PHF24: variants seen among roughly 807,000 people sequenced by gnomAD.
PHF24 encodes the protein PHD finger protein 24, also known as Galpha inhibitory interacting protein.
PHF24 carries 25 observed loss-of-function variants against 42.6 expected under a neutral mutation model. The observed-to-expected ratio is 0.59, with a 90% CI of 0.43 to 0.82. PHF24 has a LOEUF of 0.82. Ranked by LOEUF, PHF24 falls within the 40% of genes least tolerant of loss-of-function variation. PHF24 has a pLI of 0.00. For synonymous variants in PHF24, 185 were observed against 204.8 expected (o/e 0.90, Z 0.83); for missense variants, 470 against 538.1 (o/e 0.87, Z 1.25).
At chr9:34,721,264 C>G in the PHF24 span, among the ~76,000 whole-genome samples, 1 of 152,338 alleles carries the variant, frequency 6.6e-6, no homozygotes, top group East Asian at 1.9e-4. Flanking sequence ...CCATTAACAT[C>G]CACCATGCTA....
the PHF24 span, among the ~76,000 whole-genome samples, chr9:34,685,840 T>A: frequency 6.6e-6 from 1 of 152,230 alleles, no homozygotes; most frequent in Non-Finnish European, 1.5e-5. Flanking sequence ...CTGGCCTTGC[T>A]GTACTGTTCT....
chr9:34,930,186 C>T, the PHF24 span, among the ~76,000 whole-genome samples: 1 of 152,148 alleles, frequency 6.6e-6, no homozygotes, highest in Non-Finnish European at 1.5e-5. Context: ...GGAGGAGCCA[C>T]TGGTTTGTGC....
the PHF24 span, chr9:34,838,315 T>C: frequency 4.1e-6 from 3 of 734,834 alleles, no homozygotes; most frequent in Admixed American, 6.0e-5. Context: ...ATCTGAGGCT[T>C]AATTAGTTCA....
the PHF24 span, among the ~76,000 whole-genome samples, chr9:34,869,272 T>TAATG: frequency 2.0e-5 from 3 of 152,224 alleles, no homozygotes; most frequent in Non-Finnish European, 4.4e-5. Context: ...ATGTACCCAG[T>TAATG]AATGGGATTG....
At chr9:34,812,265 A>C in the PHF24 span, among the ~76,000 whole-genome samples, 21 of 152,326 alleles carry the variant, frequency 1.4e-4, no homozygotes, top group Middle Eastern at 6.8e-3. Context: ...CATACCCAGT[A>C]GGATGGCTAT....
chr9:34,764,969 T>C, the PHF24 span, among the ~76,000 whole-genome samples: 2 of 152,138 alleles, frequency 1.3e-5, no homozygotes, highest in African/African-American at 4.8e-5. Flanking sequence ...CCAGTAGTCA[T>C]TCAGGAGCAG....
chr9:34,739,511 C>A, the PHF24 span, among the ~76,000 whole-genome samples: 1 of 152,178 alleles, frequency 6.6e-6, no homozygotes, highest in African/African-American at 2.4e-5. Context: ...TCACTGACTT[C>A]AAGAATGAAG....
intron 1 of PHF24, among the ~76,000 whole-genome samples, chr9:34,964,690 A>G (rs993603694): frequency 6.6e-6 from 1 of 152,202 alleles, no homozygotes; most frequent in African/African-American, 2.4e-5. Flanking sequence ...CAAACATTAC[A>G]AGCTGCCCAC....
At chr9:34,728,709 GTCCA>G in the PHF24 span, 1 of 1,485,764 alleles carries the variant, frequency 6.7e-7, no homozygotes, top group Non-Finnish European at 9.2e-7. Flanking sequence ...TCTTTCTCAT[GTCCA>G]AAATGAGACA....
At chr9:34,975,463 G>A (rs761530475) in intron 3 of PHF24, among the ~76,000 whole-genome samples, 5 of 152,242 alleles carry the variant, frequency 3.3e-5, no homozygotes, top group Admixed American at 6.5e-5. Flanking sequence ...TGTACTTTGC[G>A]GGTATCTCAG....
At chr9:34,922,538 G>C in the PHF24 span, 12 of 991,424 alleles carry the variant, frequency 1.2e-5, no homozygotes, top group African/African-American at 1.9e-4. Flanking sequence ...CCTCAGCCAA[G>C]TAATGGTAGT....
At chr9:34,922,805 C>T in the PHF24 span, 7 of 1,592,646 alleles carry the variant, frequency 4.4e-6, no homozygotes, top group Non-Finnish European at 6.0e-6. Context: ...GATTCCTCTC[C>T]TCATTGGATA....
chr9:34,710,019 A>G, the PHF24 span: 1 of 1,614,116 alleles, frequency 6.2e-7, no homozygotes, highest in Non-Finnish European at 8.5e-7. Flanking sequence ...TGGGGATGCC[A>G]AAGGCCAGAA....
chr9:34,892,917 GC>G, the PHF24 span: 1 of 688,432 alleles, frequency 1.5e-6, no homozygotes, highest in Non-Finnish European at 2.7e-6. Flanking sequence ...GCCAGTGAAA[GC>G]TCTTTGGATT....
the PHF24 span, chr9:34,918,446 T>A: frequency 3.8e-6 from 2 of 529,462 alleles, no homozygotes; most frequent in South Asian, 4.6e-5. Flanking sequence ...TTTCCTATAA[T>A]GAAATGATTG....
chr9:34,944,897 A>AG, the PHF24 span, among the ~76,000 whole-genome samples: 7 of 151,904 alleles, frequency 4.6e-5, no homozygotes, highest in Non-Finnish European at 1.0e-4. Flanking sequence ...TTTAAAAAAA[A>AG]AAAAAAAAGG....
the PHF24 span, among the ~76,000 whole-genome samples, chr9:34,776,383 C>T: frequency 6.6e-6 from 1 of 152,106 alleles, no homozygotes; most frequent in Admixed American, 6.5e-5. Context: ...AGGCTTTGCT[C>T]ATTCTATTAT....
the PHF24 span, among the ~76,000 whole-genome samples, chr9:34,872,284 C>A: frequency 0.012 from 1,761 of 150,636 alleles, 30 homozygotes; most frequent in African/African-American, 0.04. Flanking sequence ...TATACATGTG[C>A]CATGCTGGTG....
chr9:34,848,812 G>A, the PHF24 span, among the ~76,000 whole-genome samples: 4 of 151,926 alleles, frequency 2.6e-5, no homozygotes, highest in African/African-American at 9.7e-5. Context: ...CTTTGTTCTC[G>A]TTGGTTTCAA....
Sources: gnomAD v4.1 joint callset for allele counts (sites outside exome capture counted in the v4.1 genomes callset) on GRCh38, gnomAD v4.1.1 for gene constraint, MANE v1.5 for transcripts, NCBI Gene and HGNC (gene_info 2026-07-23, HGNC 2026-07-21) for gene names.